The following MCC variants were observed in gnomAD, a reference collection of about 807,000 sequenced individuals.
MCC encodes the protein colorectal mutant cancer protein.
Under a neutral mutation model 116.2 loss-of-function variants are expected in MCC, and 90 were observed. That is an observed-to-expected ratio of 0.77 (90% CI 0.65 to 0.92). The LOEUF is 0.92. Among genes scored for constraint, MCC ranks in the 40% least tolerant of loss-of-function variants. MCC has a pLI of 0.00. For synonymous variants in MCC, 578 were observed against 510.5 expected (o/e 1.13, Z -1.78); for missense variants, 1,516 against 1,312.2 (o/e 1.16, Z -2.40).
intron 6 of MCC, among the ~76,000 whole-genome samples, chr5:113,121,820 A>G (rs539125437): frequency 6.6e-6 from 1 of 150,790 alleles, no homozygotes; most frequent in Non-Finnish European, 1.5e-5. Context: ...GTCTGTCCTA[A>G]GATATGCTGC....
chr5:113,120,499 C>T (rs1166547209), intron 6 of MCC, among the ~76,000 whole-genome samples: 2 of 152,212 alleles, frequency 1.3e-5, no homozygotes, highest in Admixed American at 6.5e-5. Flanking sequence ...CCACTGGCTT[C>T]CAGAATACCA....
intron 3 of MCC, among the ~76,000 whole-genome samples, chr5:113,313,815 T>TTTTG (rs148186587): frequency 0.088 from 13,392 of 151,502 alleles, 1,383 homozygotes; most frequent in African/African-American, 0.25. Flanking sequence ...TTTTGTTTTG[T>TTTTG]TTTGTTTGTT....
At chr5:113,477,879 G>A (rs1396692896) in intron 1 of MCC, among the ~76,000 whole-genome samples, 1 of 152,114 alleles carries the variant, frequency 6.6e-6, no homozygotes, top group African/African-American at 2.4e-5. Flanking sequence ...TATATATCTG[G>A]CATCCAATTA....
chr5:113,083,051 C>G, intron 10 of MCC, 43 bp from the exon 11 acceptor site: 1 of 1,570,446 alleles, frequency 6.4e-7, no homozygotes, highest in Non-Finnish European at 8.7e-7. Flanking sequence ...CATATCATTT[C>G]AGAGATGCAT....
intron 3 of MCC, among the ~76,000 whole-genome samples, chr5:113,194,659 A>G (rs1296091980): frequency 1.3e-5 from 2 of 152,140 alleles, no homozygotes; most frequent in African/African-American, 4.8e-5. Flanking sequence ...CCCTGCCTCA[A>G]AAAAGAAAAG....
rs575206091 is a variant in MCC, at chr5:113,034,834, A to G, written c.2757-5778T>C. 1.1e-4 allele frequency among the ~76,000 whole-genome samples: 16 copies of G among 152,332 alleles called. No individual in the cohort carries two copies. In the East Asian group the frequency reaches 1.2e-3, roughly 11 times the overall value. ...CCTGCCCGCATCACCTGCAGGGCTG[A>G]CAGCCTCTTTGCTCATGGCTTGCAC... On this transcript the variant is annotated intron_variant, in intron 17 of 18. Coordinates refer to ENST00000408903, the MANE Select transcript of MCC (RefSeq NM_001085377.2).
chr5:113,487,595 G>T (rs1007281611), intron 1 of MCC, among the ~76,000 whole-genome samples: 1 of 152,204 alleles, frequency 6.6e-6, no homozygotes, highest in African/African-American at 2.4e-5. Flanking sequence ...AAGCTCACCT[G>T]GTCAGCGCAC....
Position 113,122,760 on chromosome 5 carries a change from G to A in MCC, c.951C>T (p.Asp317=), listed in dbSNP as rs763650646. The A allele has an allele frequency of 5.0e-6, 8 of 1,614,002 alleles. No individual in the cohort carries two copies. The African/African-American group carries it at 8.0e-5, about 16-fold the overall frequency. Residue 317 remains aspartate, a synonymous_variant, in exon 6 of 19, where the codon GAC becomes GAT. Transcript: ENST00000408903. ...LSQSQHEVNE[D]SRSMDQDQTS... ...TCTGGTCTTGGTCCATGCTTCGAGAGTCCTCGTTGACCTCGTGTTGGCTCT... is the reference window on the plus strand; with the variant it reads ...TCTGGTCTTGGTCCATGCTTCGAGAATCCTCGTTGACCTCGTGTTGGCTCT...
At chr5:113,115,103 C>A (rs950559850) in intron 6 of MCC, among the ~76,000 whole-genome samples, 1 of 152,152 alleles carries the variant, frequency 6.6e-6, no homozygotes, top group African/African-American at 2.4e-5. Context: ...ATCCTCCCCC[C>A]TGAGACGCTA....
chr5:113,383,722 A>C (rs936710805), intron 2 of MCC, among the ~76,000 whole-genome samples: 4 of 152,134 alleles, frequency 2.6e-5, no homozygotes, highest in Admixed American at 2.6e-4. Flanking sequence ...GTATTTCTAC[A>C]TATTATGTTA....
At chr5:113,314,839 C>T (rs1339388109) in intron 3 of MCC, among the ~76,000 whole-genome samples, 7 of 152,184 alleles carry the variant, frequency 4.6e-5, no homozygotes, top group South Asian at 2.1e-4. Context: ...CCACCTGCCT[C>T]GACCTCCCAA....
intron 3 of MCC, among the ~76,000 whole-genome samples, chr5:113,253,553 AAAG>A (rs1764882393): frequency 6.6e-6 from 1 of 152,178 alleles, no homozygotes; most frequent in Admixed American, 6.5e-5. Context: ...ACTCCTAGTG[AAAG>A]AAAAGGCCAA....
intron 2 of MCC, among the ~76,000 whole-genome samples, chr5:113,351,419 T>G (rs933125577): frequency 1.3e-5 from 2 of 152,146 alleles, no homozygotes; most frequent in African/African-American, 4.8e-5. Flanking sequence ...GTCATTATGT[T>G]AAATGAAATA....
In MCC at chr5:113,220,766, A is replaced by C. The variant is rs1763522377; in HGVS notation, c.628-69344T>G. On this transcript the variant is annotated intron_variant, in intron 3 of 18. Transcript: ENST00000408903. Reference sequence around the variant, plus strand: ...TACACAGACAGTTATGTTATCTTTGAATAAAGAAATTTTTACATTTCCCTC... The same window carrying C: ...TACACAGACAGTTATGTTATCTTTGCATAAAGAAATTTTTACATTTCCCTC... Among the ~76,000 whole-genome samples the C allele has an allele frequency of 2.0e-5, 3 of 152,206 alleles. No homozygotes were observed. The South Asian group carries it at 6.2e-4, about 31-fold the overall frequency.
intron 3 of MCC, among the ~76,000 whole-genome samples, chr5:113,300,836 C>T (rs1424960093): frequency 6.6e-6 from 1 of 152,156 alleles, no homozygotes; most frequent in Non-Finnish European, 1.5e-5. Flanking sequence ...TGCCCCATAA[C>T]GGACATCATT....
At chr5:113,314,270 G>A (rs547743716) in intron 3 of MCC, among the ~76,000 whole-genome samples, 1 of 152,308 alleles carries the variant, frequency 6.6e-6, no homozygotes, top group South Asian at 2.1e-4. Context: ...TAAAATGATA[G>A]AATAGACAAA....
intron 3 of MCC, among the ~76,000 whole-genome samples, chr5:113,210,780 G>A (rs10519339): frequency 0.057 from 8,742 of 152,210 alleles, 767 homozygotes; most frequent in African/African-American, 0.19. Flanking sequence ...ATAGGCAACA[G>A]TATATGGCTG....
chr5:113,061,610 C>T (rs1753222311), intron 14 of MCC, among the ~76,000 whole-genome samples: 1 of 152,228 alleles, frequency 6.6e-6, no homozygotes, highest in South Asian at 2.1e-4. Flanking sequence ...CACTTTTATT[C>T]TCCTTGCTGG....
In MCC at chr5:113,026,305, T is replaced by C. The variant is rs1750545453; in HGVS notation, c.*997A>G. ...CACTCTTAAGTAGGCGTGATAAGTTTTGCAAAATGTTCAGTATCTCCTCAG... is the reference window on the plus strand; with the variant it reads ...CACTCTTAAGTAGGCGTGATAAGTTCTGCAAAATGTTCAGTATCTCCTCAG... On this transcript the variant is annotated 3_prime_UTR_variant, in exon 19 of 19. Transcript: ENST00000408903. 6.6e-6 allele frequency: 1 copy of C among 152,226 alleles called. No homozygotes were observed. The highest frequency in any genetic ancestry group is 2.4e-5 in the African/African-American group (1 of 41,450). The allele number at this position is 152,226 out of a possible 1,614,324, so 9.4% of individuals were successfully genotyped here. A position where few individuals can be genotyped will look rare whatever the true frequency, so the allele number is the denominator to read the frequency against.
Sources: allele counts gnomAD v4.1 joint callset (sites outside exome capture counted in the v4.1 genomes callset), GRCh38; gene constraint gnomAD v4.1.1; transcripts MANE v1.5; gene names NCBI Gene and HGNC (gene_info 2026-07-23, HGNC 2026-07-21).